The following DENND1B variants were observed in gnomAD, a reference collection of about 807,000 sequenced individuals.
The protein encoded by DENND1B is DENN domain containing 1B.
Under a neutral mutation model 90.1 loss-of-function variants are expected in DENND1B, and 59 were observed. That is an observed-to-expected ratio of 0.65 (90% CI 0.53 to 0.81). The LOEUF is 0.81. Ranked by LOEUF, DENND1B falls within the 40% of genes least tolerant of loss-of-function variation. DENND1B has a pLI of 0.00. For synonymous variants in DENND1B, 337 were observed against 324.6 expected, an observed-to-expected ratio of 1.04 and a Z score of -0.41; for missense variants, 862 against 912.6, an observed-to-expected ratio of 0.94 and a Z score of 0.71.
At position 197,602,168 on chromosome 1, in the gene DENND1B, A is replaced by G. The variant is rs1030229939; in HGVS notation, c.921+4905T>C. The stretch of plus-strand genomic sequence containing the variant: ...ATTCTTATTAAAGTCAAATGGAAAT[A>G]TCCTTATAAAATGTTCTAGGAGGTA... On this transcript the variant is annotated intron_variant, in intron 13 of 22. Transcript: ENST00000620048. Among the ~76,000 whole-genome samples the G allele has an allele frequency of 3.3e-5, 5 of 151,648 alleles. No homozygotes were observed. In the East Asian group the frequency reaches 9.7e-4, roughly 29 times the overall value.
In DENND1B at chr1:197,771,561, G is replaced by A. The variant is rs981445046; in HGVS notation, c.82+1307C>T. ...AGACCAGGAGTACAGTAGTAGGGCTGGTGGAGCCAACAATATGTGACTTCA... is the reference window on the plus strand; with the variant it reads ...AGACCAGGAGTACAGTAGTAGGGCTAGTGGAGCCAACAATATGTGACTTCA... On this transcript the variant is annotated intron_variant, in intron 2 of 22. Coordinates refer to ENST00000620048, the MANE Select transcript of DENND1B (RefSeq NM_001195215.2). Among the ~76,000 whole-genome samples the A allele has an allele frequency of 4.6e-5, 7 of 152,132 alleles. No homozygotes were observed. In the East Asian group the frequency reaches 5.8e-4, roughly 13 times the overall value.
chr1:197,570,832 G>T (rs1459934333), intron 15 of DENND1B, among the ~76,000 whole-genome samples: 4 of 152,096 alleles, frequency 2.6e-5, no homozygotes, highest in Admixed American at 6.6e-5. Flanking sequence ...GGAGAGATTT[G>T]ACTGAAATTT....
chr1:197,519,245 T>A (rs1668605540), intron 20 of DENND1B, among the ~76,000 whole-genome samples: 1 of 151,950 alleles, frequency 6.6e-6, no homozygotes. Flanking sequence ...TTATTTTTAT[T>A]GTAAAATTAT....
intron 3 of DENND1B, among the ~76,000 whole-genome samples, chr1:197,713,801 T>TTATAATAAATATATTATA (rs1660243093): frequency 3.1e-5 from 1 of 32,586 alleles, no homozygotes; most frequent in Non-Finnish European, 5.8e-5. Context: ...TATTATTATA[T>TTATAATAAATATATTATA]TATAATATAT....
intron 2 of DENND1B, among the ~76,000 whole-genome samples, chr1:197,715,349 C>T (rs1660544650): frequency 6.6e-6 from 1 of 151,778 alleles, no homozygotes; most frequent in African/African-American, 2.4e-5. Flanking sequence ...CTTTTAGCAA[C>T]TCACTTTTTA....
intron 2 of DENND1B, chr1:197,734,907 TC>T: frequency 1.8e-5 from 18 of 985,254 alleles, no homozygotes; most frequent in Non-Finnish European, 2.2e-5. Context: ...AGGAGTATGT[TC>T]CTACTCTTTT....
intron 2 of DENND1B, among the ~76,000 whole-genome samples, chr1:197,731,897 C>T (rs1228193075): frequency 6.6e-6 from 1 of 152,098 alleles, no homozygotes; most frequent in East Asian, 1.9e-4. Context: ...AATAGCAGTA[C>T]CCACCTTGAG....
rs1212113132 is a variant in DENND1B at position 197,647,130 on chromosome 1, A to AG, written c.448-17dup. The AG allele has an allele frequency of 7.0e-7, 1 of 1,420,364 alleles. No homozygotes were observed. The highest frequency in any genetic ancestry group is 9.2e-7 in the Non-Finnish European group (1 of 1,090,826). 88.0% of individuals were successfully genotyped at this position (1,420,364 alleles called of 1,614,324 possible). A position where few individuals can be genotyped will look rare whatever the true frequency, so the allele number is the denominator to read the frequency against. ...TCTCTTGGTTCTTATAATACATGAG[A>AG]GAAAAAAATGAATATTTTACTTTCA... On this transcript the variant is annotated splice_polypyrimidine_tract_variant and intron_variant, in intron 7 of 22. Coordinates refer to ENST00000620048, the MANE Select transcript of DENND1B (RefSeq NM_001195215.2).
In DENND1B at chr1:197,775,219, C is replaced by G. The variant is rs529303413; in HGVS notation, c.-64G>C. On this transcript the variant is annotated 5_prime_UTR_variant, in exon 1 of 23. Transcript: ENST00000620048. ...CGCGCTGGCCTGGAAGCCCGCAGCCCGGCCGCGCGAGGGTCGCGCCGTCCC... is the reference window on the plus strand; with the variant it reads ...CGCGCTGGCCTGGAAGCCCGCAGCCGGGCCGCGCGAGGGTCGCGCCGTCCC... 2.5e-5 allele frequency: 30 copies of G among 1,221,210 alleles called. No individual in the cohort carries two copies. Among genetic ancestry groups the G allele is most frequent in the Non-Finnish European group, 2.7e-5 (26 of 970,336 alleles). 75.6% of individuals were successfully genotyped at this position (1,221,210 alleles called of 1,614,324 possible). A position where few individuals can be genotyped will look rare whatever the true frequency, so the allele number is the denominator to read the frequency against.
chr1:197,515,714 G>C (rs942262168), intron 20 of DENND1B, among the ~76,000 whole-genome samples: 10 of 151,776 alleles, frequency 6.6e-5, no homozygotes, highest in African/African-American at 2.4e-4. Context: ...CATACACACA[G>C]ATACTACGAA....
Position 197,529,228 on chromosome 1 carries a change from ATATATATATATATATGTGTG to A in DENND1B, c.1515+10716_1515+10735del, listed in dbSNP as rs780482563. On this transcript the variant is annotated intron_variant, in intron 20 of 22. Transcript: ENST00000620048. ...GATATATATATATATATATATATAT[ATATATATATATATATGTGTG>A]TGTGTGTGTGTGTGTGTGTGTATAT... Among the ~76,000 whole-genome samples the A allele has an allele frequency of 3.7e-3, 54 of 14,658 alleles. No homozygotes were observed. In the Admixed American group the frequency reaches 0.038, roughly 10 times the overall value. The allele number at this position is 14,658 out of a possible 152,430, so 9.6% of individuals were successfully genotyped here.
intron 15 of DENND1B, among the ~76,000 whole-genome samples, 158 bp from the exon 16 acceptor site, chr1:197,553,270 C>A (rs959631637): frequency 5.3e-5 from 8 of 152,072 alleles, no homozygotes; most frequent in Non-Finnish European, 1.2e-4. Context: ...TATACACACA[C>A]ACAAGAAAAT....
chr1:197,543,749 G>T (rs1670513277), intron 18 of DENND1B, among the ~76,000 whole-genome samples: 1 of 151,990 alleles, frequency 6.6e-6, no homozygotes, highest in Non-Finnish European at 1.5e-5. Flanking sequence ...CTAATTTTGG[G>T]ACTGTATTTT....
At chr1:197,752,651 T>C (rs926642699) in intron 2 of DENND1B, among the ~76,000 whole-genome samples, 1 of 151,974 alleles carries the variant, frequency 6.6e-6, no homozygotes, top group African/African-American at 2.4e-5. Context: ...TTTTTCTTTA[T>C]TATTATTATA....
Position 197,546,735 on chromosome 1 carries a change from T to A in DENND1B, c.1279A>T (p.Lys427Ter). The change falls in exon 17 of 23, where the codon AAG becomes TAG. Residue 427 changes from lysine (K) to a stop codon, truncating the protein, a stop_gained and splice_region_variant. Coordinates refer to ENST00000620048, the MANE Select transcript of DENND1B (RefSeq NM_001195215.2). LOFTEE classifies it high-confidence loss of function. ...RSYQQWVHTV[K>*]KGGALFNTAM... is the part of the protein sequence containing the mutation. Reference sequence around the variant, plus strand: ...AACATTTGAAAGCTTATGATTACCTTGACTGTATGCACCCATTGTTGATAT... The same window carrying A: ...AACATTTGAAAGCTTATGATTACCTAGACTGTATGCACCCATTGTTGATAT... The A allele has an allele frequency of 6.5e-7, 1 of 1,544,654 alleles. No individual in the cohort carries two copies. Among genetic ancestry groups the A allele is most frequent in the Non-Finnish European group, 8.7e-7 (1 of 1,145,356 alleles).
rs533818094 is a variant in DENND1B at position 197,617,363 on chromosome 1, C to G, written c.773+296G>C. ...TCTAACTGACACCATAACTTCTATACAGTTTTCCTAACACAACTTAAGACT... is the reference window on the plus strand; with the variant it reads ...TCTAACTGACACCATAACTTCTATAGAGTTTTCCTAACACAACTTAAGACT... On this transcript the variant is annotated intron_variant, in intron 11 of 22. Transcript: ENST00000620048. Among the ~76,000 whole-genome samples, 3 of 151,218 alleles carry G rather than the reference C, an allele frequency of 2.0e-5. No individual in the cohort carries two copies. The East Asian group carries it at 5.9e-4, about 30-fold the overall frequency.
At chr1:197,730,914 T>C (rs1002827777) in intron 2 of DENND1B, among the ~76,000 whole-genome samples, 3 of 152,068 alleles carry the variant, frequency 2.0e-5, no homozygotes, top group Admixed American at 1.3e-4. Flanking sequence ...TGTCTGAATT[T>C]TATAGGCACA....
intron 18 of DENND1B, among the ~76,000 whole-genome samples, chr1:197,545,057 G>GGAGAAGGAGAAGAAT (rs1364769531): frequency 6.6e-6 from 1 of 151,016 alleles, no homozygotes; most frequent in Admixed American, 6.6e-5. Flanking sequence ...AGGAGAAGAA[G>GGAGAAGGAGAAGAAT]AAGAAGAAGA....
chr1:197,696,176 T>C (rs1269580620), intron 3 of DENND1B, among the ~76,000 whole-genome samples: 1 of 151,472 alleles, frequency 6.6e-6, no homozygotes, highest in Non-Finnish European at 1.5e-5. Context: ...CTGCCTGCCA[T>C]TCATTCCTAT....
Sources: gnomAD v4.1 joint callset for allele counts (sites outside exome capture counted in the v4.1 genomes callset) on GRCh38, gnomAD v4.1.1 for gene constraint, MANE v1.5 for transcripts, NCBI Gene and HGNC (gene_info 2026-07-23, HGNC 2026-07-21) for gene names.